DHX15: variants seen among roughly 807,000 people sequenced by gnomAD.
DHX15 encodes DEAH-box helicase 15, also known as ATP-dependent RNA helicase DHX15.
A neutral mutation model predicts 94.4 loss-of-function variants in DHX15; 11 were observed. The ratio of observed to expected loss-of-function variants is 0.12; its 90% CI spans 0.07 to 0.19. DHX15 has a LOEUF of 0.19. Among genes scored for constraint, DHX15 ranks in the 10% least tolerant of loss-of-function variants. DHX15 has a pLI of 1.00. For synonymous variants in DHX15, 338 were observed against 329.9 expected, an observed-to-expected ratio of 1.02 and a Z score of -0.27; for missense variants, 304 against 988.5, an observed-to-expected ratio of 0.31 and a Z score of 9.29.
At chr4:24,573,108 A>G (rs1009268710) in intron 2 of DHX15, among the ~76,000 whole-genome samples, 1 of 152,020 alleles carries the variant, frequency 6.6e-6, no homozygotes, top group Non-Finnish European at 1.5e-5. Flanking sequence ...ATGGGGTTTC[A>G]CCATATTGGC....
At chr4:24,564,679 C>T (rs1506347) in intron 3 of DHX15, among the ~76,000 whole-genome samples, 151,806 of 152,346 alleles carry the variant, frequency 1, 75,639 homozygotes, top group Middle Eastern at 1. Context: ...TCTAGTTCAA[C>T]CTGGTATGTT....
At chr4:24,544,459 A>G (rs1721381946) in intron 6 of DHX15, among the ~76,000 whole-genome samples, 1 of 152,226 alleles carries the variant, frequency 6.6e-6, no homozygotes, top group Non-Finnish European at 1.5e-5. Context: ...CAACTAGCAA[A>G]GGAATAAGAA....
chr4:24,551,390 G>GT (rs1226697190), intron 5 of DHX15, among the ~76,000 whole-genome samples: 3 of 152,044 alleles, frequency 2.0e-5, no homozygotes, highest in African/African-American at 7.3e-5. Context: ...ATGTCCAACT[G>GT]TGTCTCTATA....
At chr4:24,560,236 T>C (rs981831665) in intron 3 of DHX15, among the ~76,000 whole-genome samples, 2 of 151,594 alleles carry the variant, frequency 1.3e-5, no homozygotes, top group Non-Finnish European at 2.9e-5. Flanking sequence ...TATATGTATA[T>C]ATATTTTATG....
intron 3 of DHX15, among the ~76,000 whole-genome samples, chr4:24,564,901 C>CTTTA (rs1353801469): frequency 6.6e-6 from 1 of 152,168 alleles, no homozygotes; most frequent in East Asian, 1.9e-4. Flanking sequence ...ACCCTGGACT[C>CTTTA]TTAAAGAGAG....
At chr4:24,569,591 C>CAAAAAAAAAAAAAAAAAAAAAAAAAAAA (rs60075617) in intron 3 of DHX15, among the ~76,000 whole-genome samples, 1 of 68,654 alleles carries the variant, frequency 1.5e-5, no homozygotes, top group Non-Finnish European at 2.7e-5. Flanking sequence ...GACTCCATCT[C>CAAAAAAAAAAAAAAAAAAAAAAAAAAAA]AAAAAAAAAA....
intron 2 of DHX15, among the ~76,000 whole-genome samples, chr4:24,575,559 C>T (rs1265949563): frequency 6.6e-6 from 1 of 152,170 alleles, no homozygotes; most frequent in African/African-American, 2.4e-5. Context: ...CTCCTACATG[C>T]TCATGGAAAG....
chr4:24,578,504 T>G lies in DHX15; in HGVS notation c.72-1826A>C, dbSNP rs781476854. On this transcript the variant is annotated intron_variant, in intron 1 of 13. Transcript: ENST00000336812. The stretch of plus-strand genomic sequence containing the variant: ...ATCTGGTCTGAACAAAAAGGATTCA[T>G]GTTTCTAGTATTCACTCAACCATGG... Among the ~76,000 whole-genome samples, 5 of 152,226 alleles carry G rather than the reference T, an allele frequency of 3.3e-5. 1 individual carries two copies. The highest frequency in any genetic ancestry group is 5.9e-5 in the Non-Finnish European group (4 of 68,030).
chr4:24,579,115 C>T (rs1188577451), intron 1 of DHX15, among the ~76,000 whole-genome samples: 4 of 152,092 alleles, frequency 2.6e-5, no homozygotes, highest in South Asian at 2.1e-4. Flanking sequence ...CAAGCAATGG[C>T]GACAGCTGTG....
In DHX15 at chr4:24,576,542, T is replaced by C. The variant is rs1193485393; in HGVS notation, c.208A>G (p.Ile70Val). The C allele has an allele frequency of 1.2e-6, 2 of 1,614,096 alleles. No homozygotes were observed. The highest frequency in any genetic ancestry group is 1.3e-5 in the African/African-American group (1 of 74,934). The change falls in exon 2 of 14, where the codon ATC (isoleucine) becomes GTC (valine). Residue 70 changes from isoleucine (I) to valine (V), a missense_variant. Coordinates refer to ENST00000336812, the MANE Select transcript of DHX15 (RefSeq NM_001358.3). ...TTCAAAGGTGGTAATCCAGCACTGA[T>C]AAGCATAGCATTTGTTGAAGCTCGC... Reference protein sequence around the residue: ...ELRASTNAMLISAGLPPLKAS... With the variant: ...ELRASTNAMLVSAGLPPLKAS...
In DHX15 at chr4:24,527,714, T is replaced by C. The variant is rs1416105501; in HGVS notation, c.*210A>G. 2 of 474,922 alleles carry C rather than the reference T, an allele frequency of 4.2e-6. No homozygotes were observed. The highest frequency in any genetic ancestry group is 7.5e-6 in the Non-Finnish European group (2 of 266,634). 29.4% of individuals were successfully genotyped at this position (474,922 alleles called of 1,614,324 possible). A position where few individuals can be genotyped will look rare whatever the true frequency, so the allele number is the denominator to read the frequency against. ...AATAAACTGCAAAACATTGATCGAC[T>C]TTTCCAGTATGAGCTACAGTGTCAA... On this transcript the variant is annotated 3_prime_UTR_variant, in exon 14 of 14. Coordinates refer to ENST00000336812, the MANE Select transcript of DHX15 (RefSeq NM_001358.3).
At chr4:24,583,961 C>A (rs1281027565) in intron 1 of DHX15, among the ~76,000 whole-genome samples, 1 of 152,218 alleles carries the variant, frequency 6.6e-6, no homozygotes, top group African/African-American at 2.4e-5. Flanking sequence ...CCCACCCTCT[C>A]CTCCGGCTCC....
chr4:24,584,396 T>A lies in DHX15; in HGVS notation c.-3A>T. On this transcript the variant is annotated 5_prime_UTR_variant, in exon 1 of 14. Coordinates refer to ENST00000336812, the MANE Select transcript of DHX15 (RefSeq NM_001358.3). ...TCCAACCGGTGCCGCTTGGACATCC[T>A]CGCACTCTTCGAACGGGCAGTTATT... 5 of 1,611,540 alleles carry A rather than the reference T, an allele frequency of 3.1e-6. No individual in the cohort carries two copies. Among genetic ancestry groups the A allele is most frequent in the Non-Finnish European group, 4.2e-6 (5 of 1,179,042 alleles).
chr4:24,543,068 T>C (rs755370388), intron 6 of DHX15, 42 bp from the exon 7 acceptor site: 5 of 1,411,742 alleles, frequency 3.5e-6, no homozygotes, highest in Admixed American at 1.8e-5. Context: ...ACATATCAAA[T>C]AAAATTAACA....
At position 24,575,659 on chromosome 4, in the gene DHX15, C is replaced by G. The variant is rs144252003; in HGVS notation, c.507+584G>C. Among the ~76,000 whole-genome samples the G allele has an allele frequency of 3.9e-5, 6 of 152,290 alleles. No homozygotes were observed. In the East Asian group the frequency reaches 1.2e-3, roughly 29 times the overall value. On this transcript the variant is annotated intron_variant, in intron 2 of 13. Transcript: ENST00000336812. ...CTGACCCAGCAATTTCTGCTTCCTA[C>G]AGAAACACTTGACCCATGCAAAACA...
intron 11 of DHX15, among the ~76,000 whole-genome samples, chr4:24,536,484 T>G (rs1263291431): frequency 6.6e-6 from 1 of 152,178 alleles, no homozygotes; most frequent in Non-Finnish European, 1.5e-5. Context: ...TTTTTCAATA[T>G]CTGCAAATTT....
intron 1 of DHX15, among the ~76,000 whole-genome samples, chr4:24,582,127 G>A (rs769986733): frequency 2.6e-5 from 4 of 152,178 alleles, no homozygotes; most frequent in East Asian, 1.9e-4. Flanking sequence ...AAATTATCGA[G>A]TATGAAAAAA....
At chr4:24,566,066 T>TG (rs11442377) in intron 3 of DHX15, among the ~76,000 whole-genome samples, 31,163 of 150,596 alleles carry the variant, frequency 0.21, 3,526 homozygotes, top group East Asian at 0.4. Context: ...TTAAGAGAGA[T>TG]GGAGTCTTGC....
Position 24,551,515 on chromosome 4 carries a change from A to G in DHX15, c.1081-2493T>C, listed in dbSNP as rs191434736. Among the ~76,000 whole-genome samples, 22 of 152,298 alleles carry G rather than the reference A, an allele frequency of 1.4e-4. No homozygotes were observed. In the East Asian group the frequency reaches 4.2e-3, roughly 29 times the overall value. The stretch of plus-strand genomic sequence containing the variant: ...TGTCTCAAAAATTGTGACACAGAAA[A>G]CTATTAAAGATTCAATGTTACTAGA... On this transcript the variant is annotated intron_variant, in intron 5 of 13. Coordinates refer to ENST00000336812, the MANE Select transcript of DHX15 (RefSeq NM_001358.3).
Sources: allele counts gnomAD v4.1 joint callset (sites outside exome capture counted in the v4.1 genomes callset), GRCh38; gene constraint gnomAD v4.1.1; transcripts MANE v1.5; gene names NCBI Gene and HGNC (gene_info 2026-07-23, HGNC 2026-07-21).